The following DLGAP2 variants were observed in gnomAD, a reference collection of about 807,000 sequenced individuals.
DLGAP2 encodes disks large-associated protein 2.
In DLGAP2, 26 loss-of-function variants were observed where a neutral mutation model predicts 100.3. That is an observed-to-expected ratio of 0.26 (90% CI 0.19 to 0.36). DLGAP2 has a LOEUF of 0.36. DLGAP2 is among the 10% of genes least tolerant of loss of function. The pLI is 1.00. For synonymous variants in DLGAP2, 886 were observed against 630.1 expected (o/e 1.41, Z -6.08); for missense variants, 1,858 against 1,453.2 (o/e 1.28, Z -4.53).
intron 3 of DLGAP2, among the ~76,000 whole-genome samples, chr8:1,438,445 AACTT>A (rs1236793968): frequency 1.3e-5 from 2 of 152,184 alleles, no homozygotes; most frequent in Non-Finnish European, 2.9e-5. Context: ...TTGCTAATTT[AACTT>A]AACAGTAACA....
In DLGAP2 at chr8:888,931, C is replaced by A. The variant is rs954404719; in HGVS notation, c.19-18981C>A. Among the ~76,000 whole-genome samples, 17 of 152,040 alleles carry A rather than the reference C, an allele frequency of 1.1e-4. 1 individual carries two copies. Among genetic ancestry groups the A allele is most frequent in the Admixed American group, 1.1e-3 (17 of 15,256 alleles). On this transcript the variant is annotated intron_variant, in intron 1 of 14. Transcript: ENST00000637795. ...AACAGGTTTTGTGTGAGCAATAAAG[C>A]TGTTTATTTCATCTGGATGCAGGTG...
At chr8:949,884 G>A (rs892134637) in intron 2 of DLGAP2, among the ~76,000 whole-genome samples, 3 of 152,226 alleles carry the variant, frequency 2.0e-5, no homozygotes, top group Non-Finnish European at 4.4e-5. Flanking sequence ...CTTGGTGGCA[G>A]ATGAGTAAAA....
chr8:1,282,341 C>T (rs1218314305), intron 3 of DLGAP2, among the ~76,000 whole-genome samples: 1 of 139,624 alleles, frequency 7.2e-6, no homozygotes, highest in Admixed American at 7.2e-5. Flanking sequence ...AACCCAGCGC[C>T]CTGAACCATC....
intron 4 of DLGAP2, among the ~76,000 whole-genome samples, chr8:1,507,592 T>G (rs1799972731): frequency 6.6e-6 from 1 of 152,122 alleles, no homozygotes; most frequent in Non-Finnish European, 1.5e-5. Flanking sequence ...GCTCCTCAAG[T>G]GCGGCCGGAG....
chr8:796,759 C>T (rs115222053), intron 1 of DLGAP2, among the ~76,000 whole-genome samples: 2,410 of 152,280 alleles, frequency 0.016, 52 homozygotes, highest in African/African-American at 0.054. Context: ...GCCCCATGCC[C>T]GCACTATAAC....
chr8:812,436 C>T (rs1172980710), intron 1 of DLGAP2, among the ~76,000 whole-genome samples: 4 of 152,148 alleles, frequency 2.6e-5, no homozygotes, highest in Admixed American at 1.3e-4. Flanking sequence ...GCCAGACTCT[C>T]AGCATTGACT....
intron 3 of DLGAP2, among the ~76,000 whole-genome samples, chr8:1,264,643 G>C (rs548132505): frequency 6.6e-6 from 1 of 152,186 alleles, no homozygotes; most frequent in African/African-American, 2.4e-5. Flanking sequence ...TATGTACACA[G>C]AATTCTTGAC....
chr8:1,113,363 C>G (rs1041316017), intron 2 of DLGAP2, among the ~76,000 whole-genome samples: 1 of 152,176 alleles, frequency 6.6e-6, no homozygotes, highest in Non-Finnish European at 1.5e-5. Context: ...TTTGTGCATT[C>G]TCAGATTTCT....
rs796856089 is a variant in DLGAP2, at chr8:1,432,058, G to A, written c.107-69308G>A. ...CCATCCATCGGGGCTGAACCCTGCC[G>A]GCACCCAGCACCCCATGCCAGCCAG... On this transcript the variant is annotated intron_variant, in intron 3 of 14. Coordinates refer to ENST00000637795, the MANE Select transcript of DLGAP2 (RefSeq NM_001346810.2). Among the ~76,000 whole-genome samples the A allele has an allele frequency of 1.9e-4, 29 of 151,704 alleles. 1 individual carries two copies. The South Asian group carries it at 3.6e-3, about 19-fold the overall frequency.
chr8:1,321,081 C>G (rs1373233645), intron 3 of DLGAP2, among the ~76,000 whole-genome samples: 1 of 151,172 alleles, frequency 6.6e-6, no homozygotes, highest in Non-Finnish European at 1.5e-5. Flanking sequence ...CTGTGTGCCT[C>G]TGTGTGTGCG....
intron 3 of DLGAP2, among the ~76,000 whole-genome samples, chr8:1,304,416 T>C (rs949868110): frequency 4.6e-5 from 7 of 152,202 alleles, no homozygotes. Flanking sequence ...CAGAAAGTTG[T>C]ACATGAGATT....
At chr8:1,463,141 C>T (rs7017544) in intron 3 of DLGAP2, among the ~76,000 whole-genome samples, 74,822 of 151,810 alleles carry the variant, frequency 0.49, 18,939 homozygotes, top group East Asian at 0.84. Context: ...CCCCGCTACT[C>T]GGGAGGCTGA....
At chr8:1,381,064 A>C (rs1028339203) in intron 3 of DLGAP2, 1 of 151,926 alleles carries the variant, frequency 6.6e-6, no homozygotes, top group Non-Finnish European at 1.5e-5. Flanking sequence ...AATCAAAATT[A>C]GACTTAAGAG....
At chr8:1,463,533 C>T (rs1055362507) in intron 3 of DLGAP2, among the ~76,000 whole-genome samples, 13 of 152,338 alleles carry the variant, frequency 8.5e-5, no homozygotes, top group East Asian at 3.9e-4. Context: ...GTTCCCAGGA[C>T]GCTCCTGCCC....
chr8:1,632,854 T>C lies in DLGAP2; in HGVS notation c.1618T>C (p.Phe540Leu). The C allele has an allele frequency of 1.2e-6, 2 of 1,613,168 alleles. No homozygotes were observed. The highest frequency in any genetic ancestry group is 2.2e-5 in the South Asian group (2 of 90,988). ...GAGCGAGGCGGAGATCAATGGGCAA[T>C]TCGAGTCCGTGTGCGAGTCCGTCTT... The part of the protein sequence containing the change: ...QVSEAEINGQ[F>L]ESVCESVFSE... Residue 540 changes from phenylalanine (F) to leucine (L), a missense_variant, in exon 8 of 15, where the codon TTC becomes CTC. Phe to Leu is a conservative substitution (Grantham distance 22). Transcript: ENST00000637795.
intron 3 of DLGAP2, among the ~76,000 whole-genome samples, chr8:1,435,372 A>G (rs1797587508): frequency 6.6e-6 from 1 of 152,210 alleles, no homozygotes; most frequent in Non-Finnish European, 1.5e-5. Context: ...TGTTTCAGTC[A>G]AAGACAAACT....
intron 3 of DLGAP2, among the ~76,000 whole-genome samples, chr8:1,452,456 C>T (rs1408997215): frequency 6.6e-6 from 1 of 152,232 alleles, no homozygotes; most frequent in Non-Finnish European, 1.5e-5. Context: ...ATGCATTCAG[C>T]ACCAGTGGAC....
intron 2 of DLGAP2, among the ~76,000 whole-genome samples, chr8:1,135,948 A>G (rs149582800): frequency 5.3e-5 from 8 of 152,336 alleles, no homozygotes; most frequent in East Asian, 1.9e-4. Context: ...ACTGCTTTAC[A>G]GTTTACCTCT....
chr8:892,031 C>T (rs907428958), intron 1 of DLGAP2, among the ~76,000 whole-genome samples: 24 of 152,208 alleles, frequency 1.6e-4, no homozygotes, highest in African/African-American at 4.8e-4. Context: ...TTAGGATGGC[C>T]ACTGTCAAAA....
Sources: allele counts gnomAD v4.1 joint callset (sites outside exome capture counted in the v4.1 genomes callset), GRCh38; gene constraint gnomAD v4.1.1; transcripts MANE v1.5; gene names NCBI Gene and HGNC (gene_info 2026-07-23, HGNC 2026-07-21).